Variants in H2BC18 observed in about 807,000 individuals in gnomAD.
The protein encoded by H2BC18 is H2B clustered histone 18.
H2BC18 carries 8 observed loss-of-function variants against 6.3 expected under a neutral mutation model. That is an observed-to-expected ratio of 1.28 (90% CI 0.75 to 2.31). H2BC18 has a LOEUF of 2.31. Ranked by LOEUF, H2BC18 falls within the 30% of genes most tolerant of loss-of-function variation. The pLI is 0.00. For synonymous variants in H2BC18, 104 were observed against 78.1 expected (o/e 1.33, Z -1.75); for missense variants, 106 against 174.5 (o/e 0.61, Z 2.21).
intron 1 of H2BC18, among the ~76,000 whole-genome samples, chr1:149,785,421 T>TTG (rs1181176037): frequency 7.4e-6 from 1 of 135,744 alleles, no homozygotes. Flanking sequence ...TTTTTTTTTT[T>TTG]TTTTTTTTTT....
At position 149,785,407 on chromosome 1, in the gene H2BC18, C is replaced by CCTTT. The variant is rs1553750700; in HGVS notation, c.378-2148_378-2147insAAAG. Reference sequence around the variant, plus strand: ...GTTAGGGAAGCTGACAGAGCTGTTTCGTTTTTTTTTTTTTTTTTTTTTTTT... The same window carrying CCTTT: ...GTTAGGGAAGCTGACAGAGCTGTTTCCTTTGTTTTTTTTTTTTTTTTTTTTTTTT... On this transcript the variant is annotated intron_variant, in intron 1 of 1. Transcript: ENST00000545683. Among the ~76,000 whole-genome samples the CCTTT allele has an allele frequency of 5.4e-3, 401 of 74,518 alleles. 40 individuals are homozygous for CCTTT. The highest frequency in any genetic ancestry group is 0.014 in the African/African-American group (315 of 21,892). The allele number at this position is 74,518 out of a possible 152,430, so 48.9% of individuals were successfully genotyped here.
At position 149,811,949 on chromosome 1, in the gene H2BC18, C is replaced by T. The variant is rs146629595; in HGVS notation, c.375G>A (p.Ser125=). 3.7e-6 allele frequency: 6 copies of T among 1,613,272 alleles called. No individual in the cohort carries two copies. The highest frequency in any genetic ancestry group is 3.3e-5 in the Admixed American group (2 of 59,970). Reference sequence around the variant, plus strand: ...TTGCGTCCCTTGCACACTCTTACTTCGAGCTGGTGTACTTGGTGACCGCCT... The same window carrying T: ...TTGCGTCCCTTGCACACTCTTACTTTGAGCTGGTGTACTTGGTGACCGCCT... ...GTKAVTKYTS[S]K The change falls in exon 1 of 1, where the codon TCG becomes TCA. Residue 125 remains serine (S), a synonymous_variant. Transcript: ENST00000369167.
chr1:149,800,911 C>T (rs1449402418), intron 1 of H2BC18, among the ~76,000 whole-genome samples: 6 of 152,124 alleles, frequency 3.9e-5, no homozygotes, highest in African/African-American at 1.4e-4. Context: ...AATGGTGAAA[C>T]CCCATCTCTA....
intron 1 of H2BC18, among the ~76,000 whole-genome samples, chr1:149,806,579 C>T (rs1284228940): frequency 6.0e-5 from 9 of 150,684 alleles, no homozygotes; most frequent in East Asian, 3.9e-4. Flanking sequence ...CAGAGCGAGA[C>T]GCGAGACTCC....
At chr1:149,811,136 T>TG (rs1414404098), downstream of H2BC18, 3 of 152,218 alleles carry the variant, frequency 2.0e-5, no homozygotes, top group African/African-American at 7.2e-5. Flanking sequence ...CTTTGGGCGC[T>TG]GGGGTCTCTC....
downstream of H2BC18, chr1:149,811,626 A>C (rs1553754453): frequency 2.2e-5 from 10 of 449,792 alleles, no homozygotes; most frequent in Non-Finnish European, 4.1e-5. Flanking sequence ...AGGGGTGTAG[A>C]ACCACCCCCC....
At chr1:149,788,536 A>G (rs1553751166) in intron 1 of H2BC18, 4 of 1,613,780 alleles carry the variant, frequency 2.5e-6, no homozygotes, top group East Asian at 2.2e-5. Context: ...GAAAACCAAC[A>G]TAAGTCACAA....
At chr1:149,788,658 C>A (rs201261589) in intron 1 of H2BC18, 1 of 1,591,724 alleles carries the variant, frequency 6.3e-7, no homozygotes, top group Non-Finnish European at 8.6e-7. Flanking sequence ...AGTCCCTCCC[C>A]CTGAGGGACC....
At chr1:149,803,109 A>C (rs1265307956) in intron 1 of H2BC18, among the ~76,000 whole-genome samples, 1 of 152,210 alleles carries the variant, frequency 6.6e-6, no homozygotes, top group African/African-American at 2.4e-5. Flanking sequence ...CCTAGGATTT[A>C]GAATTTTCTT....
intron 1 of H2BC18, chr1:149,788,230 G>C: frequency 6.3e-7 from 1 of 1,596,450 alleles, no homozygotes; most frequent in South Asian, 1.1e-5. Context: ...TGAGGAACTG[G>C]ATATAGGCCT....
chr1:149,803,307 A>G (rs1301031150), intron 1 of H2BC18, among the ~76,000 whole-genome samples: 1 of 152,162 alleles, frequency 6.6e-6, no homozygotes, highest in Non-Finnish European at 1.5e-5. Context: ...TATTATCTTT[A>G]GGTATATTCT....
intron 1 of H2BC18, among the ~76,000 whole-genome samples, chr1:149,789,460 A>T (rs1456452338): frequency 6.6e-6 from 1 of 152,074 alleles, no homozygotes; most frequent in Non-Finnish European, 1.5e-5. Context: ...TGTGTGAGTC[A>T]GGGTTCACTC....
chr1:149,789,319 G>C (rs1452336889), intron 1 of H2BC18, among the ~76,000 whole-genome samples: 1 of 152,106 alleles, frequency 6.6e-6, no homozygotes, highest in Non-Finnish European at 1.5e-5. Context: ...CATGAACCCG[G>C]GAAGCGGAGC....
chr1:149,806,301 A>G (rs2091916144), intron 1 of H2BC18, among the ~76,000 whole-genome samples: 1 of 152,216 alleles, frequency 6.6e-6, no homozygotes, highest in Non-Finnish European at 1.5e-5. Context: ...TAATTAAGAA[A>G]GTTATGAGAG....
At chr1:149,801,537 G>T (rs373332761) in intron 1 of H2BC18, among the ~76,000 whole-genome samples, 3,912 of 100,814 alleles carry the variant, frequency 0.039, 65 homozygotes, top group East Asian at 0.047. Context: ...CATTACTATA[G>T]TCCCAGTTTT....
At chr1:149,797,244 A>AT (rs1235737761) in intron 1 of H2BC18, among the ~76,000 whole-genome samples, 2 of 151,652 alleles carry the variant, frequency 1.3e-5, no homozygotes, top group Admixed American at 1.3e-4. Flanking sequence ...TGTATATCTG[A>AT]TTTTTTTTCT....
At chr1:149,787,522 G>T (rs1447752717) in intron 1 of H2BC18, 2 of 152,420 alleles carry the variant, frequency 1.3e-5, no homozygotes, top group Non-Finnish European at 2.9e-5. Context: ...TTGCCCTTCT[G>T]TGTGTTTGTC....
intron 1 of H2BC18, among the ~76,000 whole-genome samples, chr1:149,796,892 T>G (rs1167799600): frequency 1.3e-5 from 2 of 152,184 alleles, no homozygotes; most frequent in Admixed American, 6.6e-5. Context: ...CTCCTCAGTG[T>G]TTGGTAAAGC....
At chr1:149,788,151 G>T in intron 1 of H2BC18, 1 of 718,950 alleles carries the variant, frequency 1.4e-6, no homozygotes, top group Non-Finnish European at 2.3e-6. Flanking sequence ...GGAAAGGGAA[G>T]ATAAGAAAGG....
Sources: gnomAD v4.1 joint callset for allele counts (sites outside exome capture counted in the v4.1 genomes callset) on GRCh38, gnomAD v4.1.1 for gene constraint, MANE v1.5 for transcripts, NCBI Gene and HGNC (gene_info 2026-07-23, HGNC 2026-07-21) for gene names.